SVEP1: variants seen among roughly 807,000 people sequenced by gnomAD.
The protein encoded by SVEP1 is sushi, von Willebrand factor type A, EGF and pentraxin domain containing 1, also known as sushi, von Willebrand factor type A, EGF and pentraxin domain-containing protein 1.
SVEP1 carries 164 observed loss-of-function variants against 367.3 expected under a neutral mutation model. The observed-to-expected ratio is 0.45, with a 90% CI of 0.39 to 0.51. The LOEUF (loss-of-function observed/expected upper bound fraction) is 0.51. Ranked by LOEUF, SVEP1 falls within the 20% of genes least tolerant of loss-of-function variation. The probability of loss-of-function intolerance (pLI) is 0.00; values close to 1 mark genes in which losing one functional copy is unlikely to be tolerated. For synonymous variants in SVEP1, 1,666 were observed against 1,611.6 expected (o/e 1.03, Z -0.81); for missense variants, 4,117 against 4,425.3 (o/e 0.93, Z 1.98).
chr9:110,397,408 G>A (rs1208742489), intron 40 of SVEP1, among the ~76,000 whole-genome samples: 1 of 152,184 alleles, frequency 6.6e-6, no homozygotes, highest in Non-Finnish European at 1.5e-5. Flanking sequence ...GCAAAAACTG[G>A]AAGCATTCCC....
chr9:110,432,452 T>C lies in SVEP1; in HGVS notation c.5233+10A>G, dbSNP rs1828364722. The stretch of plus-strand genomic sequence containing the variant: ...TAATCTCATATAGTAGTTGCCAACA[T>C]TTATCTCACCAAGGCAGGATGGTGA... On this transcript the variant is annotated intron_variant, in intron 31 of 47. Coordinates refer to ENST00000374469, the MANE Select transcript of SVEP1 (RefSeq NM_153366.4). 1 of 1,607,064 alleles carries C rather than the reference T, an allele frequency of 6.2e-7. No homozygotes were observed. The highest frequency in any genetic ancestry group is 1.3e-5 in the African/African-American group (1 of 74,652).
intron 17 of SVEP1, 109 bp downstream of exon 17, chr9:110,468,831 G>T: frequency 9.4e-7 from 1 of 1,062,336 alleles, no homozygotes; most frequent in Non-Finnish European, 1.3e-6. Context: ...TTGCCACAGG[G>T]GCCTCAGACA....
At chr9:110,548,579 G>A (rs566093899) in intron 2 of SVEP1, among the ~76,000 whole-genome samples, 7 of 152,162 alleles carry the variant, frequency 4.6e-5, no homozygotes, top group South Asian at 2.1e-4. Context: ...AACAGAAAAC[G>A]TCAGCTAGTA....
intron 3 of SVEP1, among the ~76,000 whole-genome samples, chr9:110,520,603 C>T (rs1163713181): frequency 6.6e-6 from 1 of 152,138 alleles, no homozygotes; most frequent in Non-Finnish European, 1.5e-5. Context: ...ATAAAAACAC[C>T]AACCAGTTTG....
At chr9:110,453,223 G>A (rs929156316) in intron 22 of SVEP1, among the ~76,000 whole-genome samples, 3 of 151,988 alleles carry the variant, frequency 2.0e-5, no homozygotes, top group Non-Finnish European at 4.4e-5. Flanking sequence ...ATAATGATGA[G>A]TTAGGTACAA....
At chr9:110,538,613 T>A (rs928690762) in intron 3 of SVEP1, among the ~76,000 whole-genome samples, 1 of 152,136 alleles carries the variant, frequency 6.6e-6, no homozygotes, top group Non-Finnish European at 1.5e-5. Context: ...TAGTGTTTCC[T>A]CCTTTTATGA....
chr9:110,366,529 C>A lies in SVEP1; in HGVS notation c.*10G>T, dbSNP rs766736955. On this transcript the variant is annotated 3_prime_UTR_variant, in exon 48 of 48. Coordinates refer to ENST00000374469, the MANE Select transcript of SVEP1 (RefSeq NM_153366.4). Reference sequence around the variant, plus strand: ...CCTGCTTTTGGGAGAGCCAGATGGTCGTGCAGTGGTTAAAACCCAGTCCTC... The same window carrying A: ...CCTGCTTTTGGGAGAGCCAGATGGTAGTGCAGTGGTTAAAACCCAGTCCTC... The A allele has an allele frequency of 6.4e-7, 1 of 1,553,388 alleles. No individual in the cohort carries two copies. Among genetic ancestry groups the A allele is most frequent in the Non-Finnish European group, 8.7e-7 (1 of 1,152,272 alleles).
chr9:110,388,025 CTCTGAGATTATCTCATGT>C (rs1827553104), intron 41 of SVEP1, among the ~76,000 whole-genome samples: 1 of 152,104 alleles, frequency 6.6e-6, no homozygotes, highest in Admixed American at 6.5e-5. Flanking sequence ...CTTATAGCAA[CTCTGAGATTATCTCATGT>C]AACAGTTGGC....
intron 22 of SVEP1, among the ~76,000 whole-genome samples, chr9:110,452,152 A>G (rs962033745): frequency 6.6e-6 from 1 of 152,236 alleles, no homozygotes; most frequent in Non-Finnish European, 1.5e-5. Flanking sequence ...ATTTCATAAT[A>G]AAGGTTGTTT....
chr9:110,471,873 T>C (rs2118671657), intron 15 of SVEP1, among the ~76,000 whole-genome samples: 2 of 152,342 alleles, frequency 1.3e-5, no homozygotes, highest in East Asian at 3.9e-4. Context: ...TTTTGGGAGT[T>C]CTTTATTATA....
At chr9:110,435,693 T>C (rs1217504727) in intron 28 of SVEP1, among the ~76,000 whole-genome samples, 1 of 152,222 alleles carries the variant, frequency 6.6e-6, no homozygotes, top group African/African-American at 2.4e-5. Context: ...CTTTGACCTC[T>C]GACACAGAAT....
At chr9:110,507,771 G>A in intron 5 of SVEP1, among the ~76,000 whole-genome samples, 1 of 152,044 alleles carries the variant, frequency 6.6e-6, no homozygotes, top group East Asian at 1.9e-4. Flanking sequence ...GTATGAGGTG[G>A]GATTAAAAGG....
rs1387270573 is a variant in SVEP1, at chr9:110,455,623, C to T, written c.3754G>A (p.Glu1252Lys). ...CCTGATGGGCACTCACAAATGAATTCCCCAACTAGGTCTTTACAAACTCCA... is the reference window on the plus strand; with the variant it reads ...CCTGATGGGCACTCACAAATGAATTTCCCAACTAGGTCTTTACAAACTCCA... ...NNGVCKDLVG[E>K]FICECPSGYT... The change falls in exon 22 of 48, where the codon GAA becomes AAA. Residue 1252 changes from glutamate to lysine, a missense_variant. Physicochemically the swap from Glu to Lys is moderately conservative, Grantham distance 56. This residue lies in a region of SVEP1 where 2,174 missense variants were observed against 2,494.3 expected (regional missense o/e 0.87). Transcript: ENST00000374469. 5 of 1,613,612 alleles carry T rather than the reference C, an allele frequency of 3.1e-6. No individual in the cohort carries two copies. In the Admixed American group the frequency reaches 6.7e-5, roughly 22 times the overall value.
chr9:110,417,133 C>T (rs1564137280), intron 36 of SVEP1, among the ~76,000 whole-genome samples: 1 of 151,828 alleles, frequency 6.6e-6, no homozygotes, highest in East Asian at 1.9e-4. Flanking sequence ...CGAATAGGAA[C>T]AGCTCCGGTC....
At chr9:110,382,196 G>GT (rs146526572) in intron 43 of SVEP1, among the ~76,000 whole-genome samples, 3,788 of 152,138 alleles carry the variant, frequency 0.025, 169 homozygotes, top group African/African-American at 0.086. Context: ...ACTTCAGGGT[G>GT]TTTTTTGTAG....
intron 3 of SVEP1, among the ~76,000 whole-genome samples, chr9:110,530,816 T>C (rs1588094941): frequency 6.6e-6 from 1 of 152,236 alleles, no homozygotes; most frequent in South Asian, 2.1e-4. Flanking sequence ...AGATTACAGG[T>C]GTGAGCCACC....
chr9:110,529,392 G>A (rs761338316), intron 3 of SVEP1, among the ~76,000 whole-genome samples: 11 of 151,948 alleles, frequency 7.2e-5, no homozygotes, highest in African/African-American at 1.2e-4. Flanking sequence ...TTTTTGTTCT[G>A]TGAAAAATGA....
At chr9:110,554,538 C>A (rs886834334) in intron 1 of SVEP1, among the ~76,000 whole-genome samples, 7 of 152,158 alleles carry the variant, frequency 4.6e-5, no homozygotes, top group Admixed American at 4.6e-4. Context: ...GAGTTTGCAA[C>A]ATCCTCTCAT....
At chr9:110,389,503 G>C (rs1827591737) in intron 41 of SVEP1, 21 bp downstream of exon 41, 2 of 1,612,316 alleles carry the variant, frequency 1.2e-6, no homozygotes, top group African/African-American at 2.7e-5. Flanking sequence ...TTTGGGGGCT[G>C]CTAAGTGTCA....
Sources: gnomAD v4.1 joint callset for allele counts (sites outside exome capture counted in the v4.1 genomes callset) on GRCh38, gnomAD v4.1.1 for gene constraint, gnomAD v4.1.1 regional missense constraint, MANE v1.5 for transcripts, NCBI Gene and HGNC (gene_info 2026-07-23, HGNC 2026-07-21) for gene names.